Variants in DNAH1 observed in about 807,000 individuals in gnomAD.
DNAH1 encodes dynein axonemal heavy chain 1.
DNAH1 carries 327 observed loss-of-function variants against 484.3 expected under a neutral mutation model. That is an observed-to-expected ratio of 0.68 (90% CI 0.62 to 0.74). The LOEUF is 0.74. Ranked by LOEUF, DNAH1 falls within the 30% of genes least tolerant of loss-of-function variation. The pLI is 0.00. For missense variants in DNAH1, 5,052 were observed against 5,546.8 expected, an observed-to-expected ratio of 0.91 and a Z score of 2.83; for synonymous variants, 2,192 against 2,191.9, an observed-to-expected ratio of 1.00 and a Z score of 0.00.
At chr3:52,327,764 G>T in intron 5 of DNAH1, 118 bp from the exon 6 acceptor site, 2 of 1,230,748 alleles carry the variant, frequency 1.6e-6, no homozygotes, top group Admixed American at 4.3e-5. Flanking sequence ...GTGCCACCTT[G>T]CAGCTCTCTC....
intron 73 of DNAH1, 77 bp from the exon 74 acceptor site, chr3:52,397,630 G>A: frequency 7.5e-7 from 1 of 1,334,350 alleles, no homozygotes; most frequent in East Asian, 2.4e-5. Flanking sequence ...AAGTGGGGAT[G>A]TGCTCCATTG....
Position 52,348,894 on chromosome 3 carries a change from A to G in DNAH1, c.2113A>G (p.Met705Val), listed in dbSNP as rs757500911. The change falls in exon 13 of 78, where the codon ATG becomes GTG. Residue 705 changes from methionine (M) to valine (V), a missense_variant. Physicochemically the swap from Met to Val is conservative, Grantham distance 21. Transcript: ENST00000420323. ...HAVPQLEKLV[M>V]EDIFISGDPL... ...ACATGCCTTCCCTCTGCAGCTGGTG[A>G]TGGAGGACATCTTCATCAGCGGTGA... is the stretch of plus-strand genomic sequence containing the variant. 4 of 1,612,528 alleles carry G rather than the reference A, an allele frequency of 2.5e-6. No individual in the cohort carries two copies. The South Asian group carries it at 4.4e-5, about 18-fold the overall frequency.
At position 52,399,732 on chromosome 3, in the gene DNAH1, A is replaced by C. The variant is rs774770051; in HGVS notation, c.12629A>C (p.Asp4210Ala). 12 of 1,613,886 alleles carry C rather than the reference A, an allele frequency of 7.4e-6. No homozygotes were observed. Among genetic ancestry groups the C allele is most frequent in the African/African-American group, 1.3e-5 (1 of 74,928 alleles). ...LLPTPNRKAQDQDFYLCPIYK... is the reference protein window; with the variant it reads ...LLPTPNRKAQAQDFYLCPIYK... ...CCAACACCCAACCGCAAGGCCCAGG[A>C]CCAGGACTTTTACCTGTGCCCCATC... Residue 4210 changes from aspartate to alanine, a missense_variant, in exon 77 of 78, where the codon GAC becomes GCC. Asp to Ala is a moderately radical substitution (Grantham distance 126). Around this residue, in one of 4 missense-constraint regions of DNAH1, gnomAD observed 853 missense variants for 899.0 expected, o/e 0.95. Transcript: ENST00000420323.
intron 14 of DNAH1, among the ~76,000 whole-genome samples, chr3:52,349,665 G>C (rs892327978): frequency 1.3e-5 from 2 of 152,228 alleles, no homozygotes; most frequent in African/African-American, 4.8e-5. Context: ...TAGAGGCCTG[G>C]AAAGCCTCAC....
Position 52,332,177 on chromosome 3 carries a change from C to A in DNAH1, c.1069C>A (p.Pro357Thr). 1 of 1,581,944 alleles carries A rather than the reference C, an allele frequency of 6.3e-7. No homozygotes were observed. The highest frequency in any genetic ancestry group is 1.1e-5 in the South Asian group (1 of 87,076). The change falls in exon 8 of 78, where the codon CCA (proline) becomes ACA (threonine). Residue 357 changes from proline (P) to threonine (T), a missense_variant. Physicochemically the swap from Pro to Thr is conservative, Grantham distance 38. This residue lies in a region of DNAH1 where 1,263 missense variants were observed against 1,218.8 expected (regional missense o/e 1.04). Transcript: ENST00000420323. ...CCTTCAGGTCTGTCAGTACTGGGTG[C>A]CACGGATCCAGCTTCTCTTCTGCGC... is the stretch of plus-strand genomic sequence containing the variant. ...PPLQVCQYWV[P>T]RIQLLFCAED...
chr3:52,396,846 C>A (rs138562064), intron 72 of DNAH1, 22 bp from the exon 73 acceptor site: 4 of 1,585,190 alleles, frequency 2.5e-6, no homozygotes, highest in Middle Eastern at 1.7e-4. Context: ...CTTAGGGGAG[C>A]CCTCACCCAC....
At position 52,347,879 on chromosome 3, in the gene DNAH1, C is replaced by T. The variant is rs760627438; in HGVS notation, c.2011C>T (p.His671Tyr). The change falls in exon 12 of 78, where the codon CAC becomes TAC. Residue 671 changes from histidine (H) to tyrosine (Y), a missense_variant. By Grantham distance (83) the His-to-Tyr change is moderately conservative. Transcript: ENST00000420323. Reference protein sequence around the residue: ...MDLVLDSSGVHYSTPLEQFEA... With the variant: ...MDLVLDSSGVYYSTPLEQFEA... ...CCTGGTGCTGGACAGCTCTGGGGTG[C>T]ACTATAGCACCCCACTGGAGCAGTT... The T allele has an allele frequency of 1.9e-6, 3 of 1,606,202 alleles. No homozygotes were observed. Among genetic ancestry groups the T allele is most frequent in the African/African-American group, 2.7e-5 (2 of 74,926 alleles).
chr3:52,341,797 C>G (rs1701951797), intron 8 of DNAH1, among the ~76,000 whole-genome samples: 1 of 152,026 alleles, frequency 6.6e-6, no homozygotes, highest in African/African-American at 2.4e-5. Context: ...GGATGGAATT[C>G]TGGAACAAAA....
Position 52,322,767 on chromosome 3 carries a change from C to A in DNAH1, c.325C>A (p.Gln109Lys). The change falls in exon 2 of 78, where the codon CAA becomes AAA. Residue 109 changes from glutamine (Q) to lysine (K), a missense_variant. Gln to Lys is a moderately conservative substitution (Grantham distance 53). This residue lies in a region of DNAH1 where 1,263 missense variants were observed against 1,218.8 expected (regional missense o/e 1.04). Coordinates refer to ENST00000420323, the MANE Select transcript of DNAH1 (RefSeq NM_015512.5). ...CATCCTCAGCCCTGGAACCTTAGAT[C>A]AACTTGGGGTGAGTATGGCAGCCAT... ...SDILSPGTLD[Q>K]LGEVCRGPRM... The A allele has an allele frequency of 6.2e-7, 1 of 1,601,196 alleles. No homozygotes were observed. Among genetic ancestry groups the A allele is most frequent in the East Asian group, 2.3e-5 (1 of 44,192 alleles).
chr3:52,377,494 A>G (rs777552082), intron 46 of DNAH1, among the ~76,000 whole-genome samples: 1 of 151,714 alleles, frequency 6.6e-6, no homozygotes, highest in Non-Finnish European at 1.5e-5. Context: ...GACCCATGAA[A>G]TCATTCCATC....
At position 52,351,955 on chromosome 3, in the gene DNAH1, C is replaced by G. The variant is rs545970781; in HGVS notation, c.2730-7C>G. ...TTTCTCCCAATCCCCACCCCCATCC[C>G]GGCCAGATGGATTGCCAGCAACTGG... On this transcript the variant is annotated splice_polypyrimidine_tract_variant and splice_region_variant and intron_variant, in intron 16 of 77. Transcript: ENST00000420323. 44 of 1,598,864 alleles carry G rather than the reference C, an allele frequency of 2.8e-5. No homozygotes were observed. The highest frequency in any genetic ancestry group is 1.4e-4 in the Admixed American group (8 of 58,050).
upstream of DNAH1, among the ~76,000 whole-genome samples, chr3:52,314,848 G>T (rs1305675428): frequency 1.3e-5 from 2 of 152,138 alleles, no homozygotes; most frequent in Non-Finnish European, 2.9e-5. Context: ...GGCTGCACAG[G>T]AGTAAAGGTG....
At chr3:52,315,543 A>G (rs894077013), upstream of DNAH1, among the ~76,000 whole-genome samples, 1 of 152,224 alleles carries the variant, frequency 6.6e-6, no homozygotes, top group African/African-American at 2.4e-5. Context: ...CCCAGCTTCC[A>G]GGCCACCAGA....
chr3:52,346,483 C>T lies in DNAH1; in HGVS notation c.1668C>T (p.Phe556=). 2 of 1,610,250 alleles carry T rather than the reference C, an allele frequency of 1.2e-6. No individual in the cohort carries two copies. The highest frequency in any genetic ancestry group is 2.2e-5 in the South Asian group (2 of 90,456). Residue 556 remains phenylalanine (F), a synonymous_variant, in exon 11 of 78, where the codon TTC becomes TTT. Transcript: ENST00000420323. ...QSQTFSQVQM[F]LKDSWISSLK... ...TGTGGCCACTCTAGGTGCAGATGTT[C>T]CTCAAGGACAGCTGGATCAGCTCGC...
At chr3:52,375,880 C>T (rs1703571637) in intron 45 of DNAH1, 75 bp from the exon 46 acceptor site, 6 of 1,544,990 alleles carry the variant, frequency 3.9e-6, no homozygotes, top group Non-Finnish European at 5.3e-6. Context: ...TTTCCCCCAC[C>T]ATCTCACCTG....
chr3:52,354,189 C>CA (rs1702513213), intron 20 of DNAH1, among the ~76,000 whole-genome samples: 1 of 151,894 alleles, frequency 6.6e-6, no homozygotes, highest in Non-Finnish European at 1.5e-5. Flanking sequence ...AACAAACAAA[C>CA]AAAAAAACAG....
At chr3:52,394,017 G>T (rs1366460225) in intron 66 of DNAH1, among the ~76,000 whole-genome samples, 2 of 152,254 alleles carry the variant, frequency 1.3e-5, no homozygotes, top group Non-Finnish European at 2.9e-5. Context: ...GAGTGTGCTG[G>T]TGAGCACAAA....
intron 6 of DNAH1, among the ~76,000 whole-genome samples, chr3:52,329,199 G>T (rs1701454617): frequency 6.6e-6 from 1 of 152,176 alleles, no homozygotes; most frequent in Admixed American, 6.5e-5. Flanking sequence ...GAGGTGCTCT[G>T]CTTACACCCC....
At chr3:52,377,267 G>A (rs1703644571) in intron 46 of DNAH1, among the ~76,000 whole-genome samples, 1 of 151,884 alleles carries the variant, frequency 6.6e-6, no homozygotes, top group Non-Finnish European at 1.5e-5. Context: ...GGTGCTCCCA[G>A]CAAGACGGGG....
Sources: gnomAD v4.1 joint callset for allele counts (sites outside exome capture counted in the v4.1 genomes callset) on GRCh38, gnomAD v4.1.1 for gene constraint, gnomAD v4.1.1 regional missense constraint, MANE v1.5 for transcripts, NCBI Gene and HGNC (gene_info 2026-07-23, HGNC 2026-07-21) for gene names.